Variants in MPDZ observed in about 807,000 individuals in gnomAD.
The protein encoded by MPDZ is multiple PDZ domain crumbs cell polarity complex component.
Under a neutral mutation model 239.1 loss-of-function variants are expected in MPDZ, and 234 were observed. The observed-to-expected ratio is 0.98, with a 90% CI of 0.88 to 1.09. The LOEUF (loss-of-function observed/expected upper bound fraction) is 1.09. MPDZ is among the 50% of genes least tolerant of loss of function. The pLI, the probability that MPDZ is intolerant of heterozygous loss-of-function variation, is 0.00. For synonymous variants in MPDZ, 1,048 were observed against 881.3 expected, an observed-to-expected ratio of 1.19 and a Z score of -3.35; for missense variants, 3,175 against 2,510.0, an observed-to-expected ratio of 1.26 and a Z score of -5.66.
At chr9:13,135,959 A>T (rs1946676411) in intron 31 of MPDZ, 133 bp downstream of exon 31, 1 of 604,204 alleles carries the variant, frequency 1.7e-6, no homozygotes, top group African/African-American at 1.9e-5. Flanking sequence ...TAGGATGTAC[A>T]CTCCTTGAAG....
chr9:13,201,894 T>C (rs2135505705), intron 12 of MPDZ, among the ~76,000 whole-genome samples: 3 of 152,318 alleles, frequency 2.0e-5, no homozygotes, highest in Middle Eastern at 6.8e-3. Flanking sequence ...TTTCCTGTGA[T>C]TCCCTGAACC....
intron 23 of MPDZ, among the ~76,000 whole-genome samples, chr9:13,160,559 AGG>A (rs1254766184): frequency 1.3e-5 from 2 of 151,842 alleles, no homozygotes; most frequent in Non-Finnish European, 2.9e-5. Flanking sequence ...AATATTTCAG[AGG>A]GACATTGAAA....
At chr9:13,161,216 A>G (rs1210654029) in intron 23 of MPDZ, among the ~76,000 whole-genome samples, 1 of 152,006 alleles carries the variant, frequency 6.6e-6, no homozygotes, top group Non-Finnish European at 1.5e-5. Flanking sequence ...GCAAGATCAC[A>G]ATGAATGCAA....
intron 13 of MPDZ, among the ~76,000 whole-genome samples, chr9:13,193,996 A>C (rs746026684): frequency 1.3e-5 from 2 of 152,136 alleles, no homozygotes; most frequent in Admixed American, 6.5e-5. Context: ...TTCAGAAGCG[A>C]TATCACCTGA....
intron 27 of MPDZ, 147 bp downstream of exon 27, chr9:13,143,319 A>AT (rs1947970548): frequency 3.3e-6 from 2 of 597,322 alleles, no homozygotes; most frequent in Non-Finnish European, 3.0e-6. Context: ...AAGGATCTGC[A>AT]TGCCCACTCC....
At chr9:13,240,915 A>C (rs567222045) in intron 3 of MPDZ, among the ~76,000 whole-genome samples, 1 of 152,326 alleles carries the variant, frequency 6.6e-6, no homozygotes, top group South Asian at 2.1e-4. Context: ...CTTCTCCTCC[A>C]AAGACCATTT....
chr9:13,227,644 T>G (rs966772792), intron 3 of MPDZ, among the ~76,000 whole-genome samples: 1 of 151,770 alleles, frequency 6.6e-6, no homozygotes, highest in African/African-American at 2.4e-5. Context: ...TATGAAAGAG[T>G]AGGTATACAG....
chr9:13,188,700 A>G, intron 17 of MPDZ, 84 bp downstream of exon 17: 1 of 1,171,168 alleles, frequency 8.5e-7, no homozygotes, highest in Non-Finnish European at 1.2e-6. Flanking sequence ...CGATTCAATC[A>G]TGAGAACACC....
chr9:13,150,571 A>G lies in MPDZ; in HGVS notation c.3570T>C (p.Val1190=), dbSNP rs1949028834. 2 of 1,567,676 alleles carry G rather than the reference A, an allele frequency of 1.3e-6. No individual in the cohort carries two copies. Among genetic ancestry groups the G allele is most frequent in the Admixed American group, 1.8e-5 (1 of 56,908 alleles). The part of the protein sequence containing the change: ...EVMRGIFIKH[V]LEDSPAGKNG... ...TTTTGCCAGCTGGACTATCTTCCAG[A>G]ACATGTTTGATGAAAATGCCCCTCA... Residue 1190 remains valine, a synonymous_variant, in exon 25 of 47, where the codon GTT becomes GTC. Transcript: ENST00000319217.
chr9:13,214,826 G>A (rs911295621), intron 10 of MPDZ, among the ~76,000 whole-genome samples: 1 of 151,922 alleles, frequency 6.6e-6, no homozygotes, highest in Admixed American at 6.6e-5. Context: ...AGCCAGATGA[G>A]GTGGCAAGCA....
chr9:13,217,977 G>A (rs1047344538), intron 8 of MPDZ, among the ~76,000 whole-genome samples: 1 of 151,702 alleles, frequency 6.6e-6, no homozygotes, highest in African/African-American at 2.4e-5. Context: ...TTAGTTGATT[G>A]GTACAATATA....
chr9:13,192,238 C>A lies in MPDZ; in HGVS notation c.1861G>T (p.Glu621Ter), dbSNP rs1262415559. Residue 621 changes from glutamate (E) to a stop codon, truncating the protein, a stop_gained, in exon 15 of 47, where the codon GAA becomes TAA. Transcript: ENST00000319217. LOFTEE classifies it high-confidence loss of function. Reference protein sequence around the residue: ...NHQDVVNILKELPIEVTMVCC... With the variant: ...NHQDVVNILK ...ACCATTGTCACTTCTATAGGCAGTT[C>A]TTTTAAGATATTCACCACATCTTGG... is the stretch of plus-strand genomic sequence containing the variant. 6.2e-7 allele frequency: 1 copy of A among 1,606,702 alleles called. No homozygotes were observed. Among genetic ancestry groups the A allele is most frequent in the Admixed American group, 1.7e-5 (1 of 59,036 alleles).
At position 13,137,942 on chromosome 9, in the gene MPDZ, T is replaced by C. The variant is rs774602160; in HGVS notation, c.4200+15A>G. ...TAAAACAAGAATAAATTCAAAATTT[T>C]CCACAAAAACTTACCTCTAGAAGCT... On this transcript the variant is annotated intron_variant, in intron 29 of 46. Coordinates refer to ENST00000319217, the MANE Select transcript of MPDZ (RefSeq NM_001378778.1). 32 of 1,612,744 alleles carry C rather than the reference T, an allele frequency of 2.0e-5. No individual in the cohort carries two copies. In the Admixed American group the frequency reaches 3.0e-4, roughly 15 times the overall value.
chr9:13,110,855 A>G, intron 43 of MPDZ, 115 bp from the exon 44 acceptor site: 1 of 597,308 alleles, frequency 1.7e-6, no homozygotes, highest in Non-Finnish European at 2.8e-6. Context: ...TACTGCTACC[A>G]GCCACTGAAA....
chr9:13,243,256 A>T (rs1323544441), intron 3 of MPDZ, among the ~76,000 whole-genome samples: 1 of 152,146 alleles, frequency 6.6e-6, no homozygotes, highest in Non-Finnish European at 1.5e-5. Flanking sequence ...TTGATTATTA[A>T]ATGAATATAA....
chr9:13,123,715 C>G (rs2131689040), intron 35 of MPDZ, among the ~76,000 whole-genome samples: 1 of 152,232 alleles, frequency 6.6e-6, no homozygotes, highest in African/African-American at 2.4e-5. Flanking sequence ...AGATATGTGG[C>G]AAAGACCTAG....
intron 3 of MPDZ, among the ~76,000 whole-genome samples, chr9:13,229,339 T>G (rs191226803): frequency 3.3e-5 from 5 of 151,956 alleles, no homozygotes; most frequent in Admixed American, 3.3e-4. Flanking sequence ...CAAGAAATAC[T>G]GGCCATCTTA....
chr9:13,240,344 G>A (rs1336528797), intron 3 of MPDZ, among the ~76,000 whole-genome samples: 1 of 151,600 alleles, frequency 6.6e-6, no homozygotes, highest in East Asian at 1.9e-4. Context: ...TTAAAATCTA[G>A]CAAAATTGTT....
At chr9:13,194,936 T>C (rs1343363536) in intron 13 of MPDZ, among the ~76,000 whole-genome samples, 1 of 152,060 alleles carries the variant, frequency 6.6e-6, no homozygotes, top group Non-Finnish European at 1.5e-5. Context: ...AAAATGGTAG[T>C]AACAGCTATA....
Sources: gnomAD v4.1 joint callset for allele counts (sites outside exome capture counted in the v4.1 genomes callset) on GRCh38, gnomAD v4.1.1 for gene constraint, MANE v1.5 for transcripts, NCBI Gene and HGNC (gene_info 2026-07-23, HGNC 2026-07-21) for gene names.